NBAS: variants seen among roughly 807,000 people sequenced by gnomAD.
NBAS encodes NBAS subunit of NRZ tethering complex.
In NBAS, 219 loss-of-function variants were observed where a neutral mutation model predicts 302.5. The observed-to-expected ratio is 0.72, with a 90% CI of 0.65 to 0.81. The LOEUF (loss-of-function observed/expected upper bound fraction) is 0.81. Ranked by LOEUF, NBAS falls within the 30% of genes least tolerant of loss-of-function variation. The probability of loss-of-function intolerance (pLI) is 0.00; values close to 1 mark genes in which losing one functional copy is unlikely to be tolerated. For synonymous variants in NBAS, 1,118 were observed against 1,021.6 expected (o/e 1.09, Z -1.80); for missense variants, 2,932 against 2,841.6 (o/e 1.03, Z -0.72).
chr2:14,855,497 A>C, the NBAS span, among the ~76,000 whole-genome samples: 5 of 152,158 alleles, frequency 3.3e-5, no homozygotes, highest in East Asian at 9.7e-4. Flanking sequence ...TCACTCTTGG[A>C]TGGCATTTCT....
intron 32 of NBAS, among the ~76,000 whole-genome samples, chr2:15,365,246 A>G (rs999701993): frequency 2.0e-5 from 3 of 152,208 alleles, no homozygotes; most frequent in Admixed American, 2.0e-4. Context: ...TCCTGTTACT[A>G]TGTTAACACA....
intron 11 of NBAS, among the ~76,000 whole-genome samples, chr2:15,494,088 T>C (rs1432080111): frequency 6.6e-6 from 1 of 152,192 alleles, no homozygotes; most frequent in African/African-American, 2.4e-5. Flanking sequence ...CCTCCCAAAA[T>C]GCTGGGATTA....
chr2:15,032,819 T>G, the NBAS span, among the ~76,000 whole-genome samples: 2 of 152,122 alleles, frequency 1.3e-5, no homozygotes, highest in African/African-American at 4.8e-5. Flanking sequence ...GGTTATCATA[T>G]GGGGCAGCAC....
chr2:15,440,209 G>C (rs898214796), intron 21 of NBAS, among the ~76,000 whole-genome samples: 12 of 152,326 alleles, frequency 7.9e-5, no homozygotes, highest in African/African-American at 2.9e-4. Flanking sequence ...GCCTCCTCAA[G>C]TGGGTCCCTG....
chr2:15,343,175 G>C (rs1171188507), intron 35 of NBAS, among the ~76,000 whole-genome samples: 1 of 152,126 alleles, frequency 6.6e-6, no homozygotes, highest in East Asian at 1.9e-4. Flanking sequence ...AGGAGGAAGA[G>C]CACATGAACA....
chr2:15,407,051 A>G (rs1676448935), intron 25 of NBAS, among the ~76,000 whole-genome samples: 1 of 152,200 alleles, frequency 6.6e-6, no homozygotes, highest in Non-Finnish European at 1.5e-5. Context: ...AAATACACCA[A>G]TAATATAAAA....
chr2:15,304,472 C>T (rs1297978012), intron 40 of NBAS, among the ~76,000 whole-genome samples: 1 of 152,092 alleles, frequency 6.6e-6, no homozygotes, highest in Non-Finnish European at 1.5e-5. Flanking sequence ...TATAAAGATA[C>T]CCGAAAATGT....
At chr2:15,251,396 T>C (rs1020301965) in intron 44 of NBAS, among the ~76,000 whole-genome samples, 1 of 152,176 alleles carries the variant, frequency 6.6e-6, no homozygotes, top group African/African-American at 2.4e-5. Flanking sequence ...CCATGGCACA[T>C]GTATACCTAT....
intron 9 of NBAS, among the ~76,000 whole-genome samples, chr2:15,514,798 T>C (rs1662310453): frequency 1.3e-5 from 2 of 152,216 alleles, no homozygotes; most frequent in South Asian, 4.1e-4. Context: ...AGATTTTTTA[T>C]GTCCTGGGTA....
At chr2:15,422,747 CACATTCCTAGCTCAACTGACAAAACT>C (rs1239402174) in intron 23 of NBAS, among the ~76,000 whole-genome samples, 10 of 152,218 alleles carry the variant, frequency 6.6e-5, no homozygotes, top group African/African-American at 2.2e-4. Flanking sequence ...TTTTTTAATT[CACATTCCTAGCTCAACTGACAAAACT>C]ACCTAGAAAT....
Position 15,504,207 on chromosome 2 carries a change from T to C in NBAS, c.892A>G (p.Lys298Glu). 1.2e-6 allele frequency: 2 copies of C among 1,611,394 alleles called. No homozygotes were observed. The highest frequency in any genetic ancestry group is 1.7e-6 in the Non-Finnish European group (2 of 1,177,600). The change falls in exon 11 of 52, where the codon AAG becomes GAG. Residue 298 changes from lysine (K) to glutamate (E), a missense_variant. Coordinates refer to ENST00000281513, the MANE Select transcript of NBAS (RefSeq NM_015909.4). The stretch of plus-strand genomic sequence containing the variant: ...AACATCCTTAATAATCCCAGTGTCT[T>C]CGGTACCTGCAAAATAAATGCATCA... ...NGGDGVTAVP[K>E]TLGLLRMLSV...
the NBAS span, among the ~76,000 whole-genome samples, chr2:15,160,118 C>CTT: frequency 1.3e-5 from 2 of 152,072 alleles, no homozygotes; most frequent in African/African-American, 2.4e-5. Flanking sequence ...CGTTCAAGGG[C>CTT]TTTAAGTTGG....
intron 48 of NBAS, among the ~76,000 whole-genome samples, chr2:15,197,368 G>A (rs1293846029): frequency 6.6e-6 from 1 of 152,094 alleles, no homozygotes; most frequent in African/African-American, 2.4e-5. Context: ...ATGTAACCTG[G>A]TGCAAACAGT....
At position 15,475,853 on chromosome 2, in the gene NBAS, T is replaced by C; in HGVS notation, c.1175A>G (p.Asp392Gly). Reference sequence around the variant, plus strand: ...TGCACTGTCTGCCCACCAATTGACATCTATCAGTGGGTAAAAGGACTCTTT... The same window carrying C: ...TGCACTGTCTGCCCACCAATTGACACCTATCAGTGGGTAAAAGGACTCTTT... ...KDKESFYPLI[D>G]VNWWADSAVT... is the part of the protein sequence containing the mutation. Residue 392 changes from aspartate to glycine, a missense_variant, in exon 14 of 52, where the codon GAT becomes GGT. Coordinates refer to ENST00000281513, the MANE Select transcript of NBAS (RefSeq NM_015909.4). The C allele has an allele frequency of 1.9e-6, 3 of 1,613,914 alleles. No individual in the cohort carries two copies. Among genetic ancestry groups the C allele is most frequent in the Non-Finnish European group, 2.5e-6 (3 of 1,179,862 alleles).
intron 35 of NBAS, among the ~76,000 whole-genome samples, chr2:15,343,551 A>G (rs1161722377): frequency 6.6e-6 from 1 of 152,162 alleles, no homozygotes; most frequent in African/African-American, 2.4e-5. Context: ...TTTAAAATCT[A>G]CTAAGAAAGA....
chr2:15,119,325 T>G, the NBAS span, among the ~76,000 whole-genome samples: 1 of 135,264 alleles, frequency 7.4e-6, no homozygotes, highest in African/African-American at 3.2e-5. Context: ...TTTTTTTTTT[T>G]TGAGACAGAG....
the NBAS span, among the ~76,000 whole-genome samples, chr2:15,056,944 T>A: frequency 6.7e-6 from 1 of 150,212 alleles, no homozygotes; most frequent in Non-Finnish European, 1.5e-5. Flanking sequence ...TTCTCCCACC[T>A]CAGCCTCCAG....
intron 21 of NBAS, among the ~76,000 whole-genome samples, chr2:15,432,745 T>C (rs1225894021): frequency 1.3e-5 from 2 of 152,182 alleles, no homozygotes; most frequent in East Asian, 3.8e-4. Flanking sequence ...GGGGCCTACA[T>C]GTATAACTAC....
chr2:15,079,048 C>T, the NBAS span, among the ~76,000 whole-genome samples: 7 of 152,070 alleles, frequency 4.6e-5, no homozygotes, highest in Non-Finnish European at 1.0e-4. Context: ...CTAATCTCCC[C>T]TCAAGTAGGA....
Sources: allele counts gnomAD v4.1 joint callset (sites outside exome capture counted in the v4.1 genomes callset), GRCh38; gene constraint gnomAD v4.1.1; transcripts MANE v1.5; gene names NCBI Gene and HGNC (gene_info 2026-07-23, HGNC 2026-07-21).